Variants in PLCH1 observed in about 807,000 individuals in gnomAD.
PLCH1 encodes phospholipase C eta 1.
A neutral mutation model predicts 126.7 loss-of-function variants in PLCH1; 60 were observed. The observed-to-expected ratio is 0.47, with a 90% confidence interval of 0.38 to 0.59. PLCH1 has a LOEUF of 0.59. PLCH1 is among the 20% of genes least tolerant of loss of function. The pLI is 0.00. For missense variants in PLCH1, 1,723 were observed against 2,040.0 expected, an observed-to-expected ratio of 0.84 and a Z score of 2.99; for synonymous variants, 719 against 734.9, an observed-to-expected ratio of 0.98 and a Z score of 0.35.
intron 11 of PLCH1, among the ~76,000 whole-genome samples, chr3:155,521,063 A>C (rs1182946360): frequency 6.6e-6 from 1 of 151,994 alleles, no homozygotes; most frequent in East Asian, 1.9e-4. Flanking sequence ...AGCATGGCTA[A>C]CTCTTCACTT....
rs745329557 is a variant in PLCH1 at position 155,537,835 on chromosome 3, G to T, written c.1362+11952C>A. On this transcript the variant is annotated intron_variant, in intron 10 of 22. Transcript: ENST00000460012. Reference sequence around the variant, plus strand: ...ATACTCCACTAACAGCACTAGACAGGTCATCAAGACAGAAAGTCAACAAAG... The same window carrying T: ...ATACTCCACTAACAGCACTAGACAGTTCATCAAGACAGAAAGTCAACAAAG... Among the ~76,000 whole-genome samples the T allele has an allele frequency of 2.0e-5, 3 of 152,116 alleles. No individual in the cohort carries two copies. The East Asian group carries it at 5.8e-4, about 29-fold the overall frequency.
chr3:155,679,796 G>A (rs1434226427), intron 2 of PLCH1, among the ~76,000 whole-genome samples: 1 of 152,084 alleles, frequency 6.6e-6, no homozygotes, highest in African/African-American at 2.4e-5. Context: ...ATTCTGCAAG[G>A]AGATATATTA....
intron 8 of PLCH1, 73 bp downstream of exon 8, chr3:155,564,842 A>G (rs1179933378): frequency 1.2e-5 from 11 of 923,632 alleles, no homozygotes; most frequent in Non-Finnish European, 2.0e-5. Context: ...TCCATTCTTT[A>G]TACTAGACTC....
chr3:155,719,046 A>G (rs576556546), intron 1 of PLCH1, among the ~76,000 whole-genome samples: 3 of 152,234 alleles, frequency 2.0e-5, no homozygotes, highest in Admixed American at 6.5e-5. Flanking sequence ...TTGGAAAACA[A>G]GTGTTGTTTG....
chr3:155,619,397 C>T (rs938692357), intron 2 of PLCH1, among the ~76,000 whole-genome samples: 1 of 150,406 alleles, frequency 6.6e-6, no homozygotes, highest in African/African-American at 2.5e-5. Flanking sequence ...CATACTCCAA[C>T]AAATTCATAT....
chr3:155,532,014 A>C (rs1035801848), intron 10 of PLCH1, among the ~76,000 whole-genome samples: 10 of 152,216 alleles, frequency 6.6e-5, no homozygotes, highest in African/African-American at 2.4e-4. Flanking sequence ...TTTCTTCAAG[A>C]ATTTTTCTTT....
chr3:155,488,589 A>G, intron 20 of PLCH1, 71 bp downstream of exon 20: 2 of 1,240,732 alleles, frequency 1.6e-6, no homozygotes, highest in Non-Finnish European at 2.3e-6. Context: ...TGTAAGTAAC[A>G]TATCATATAT....
At chr3:155,473,081 C>A (rs1713351797) in intron 21 of PLCH1, among the ~76,000 whole-genome samples, 1 of 142,552 alleles carries the variant, frequency 7.0e-6, no homozygotes, top group Non-Finnish European at 1.5e-5. Flanking sequence ...CTGGCCAGGG[C>A]AATTAGGCAG....
chr3:155,577,775 C>T (rs1401693), intron 6 of PLCH1, among the ~76,000 whole-genome samples: 27,523 of 152,096 alleles, frequency 0.18, 3,056 homozygotes, highest in African/African-American at 0.31. Context: ...AAACACATGC[C>T]CCTTAGCAAG....
At chr3:155,572,624 T>C (rs1219838638) in intron 6 of PLCH1, among the ~76,000 whole-genome samples, 1 of 152,136 alleles carries the variant, frequency 6.6e-6, no homozygotes, top group African/African-American at 2.4e-5. Flanking sequence ...AGTTTCTCCC[T>C]TCTATTTTCT....
chr3:155,727,143 G>C, intron 1 of PLCH1, among the ~76,000 whole-genome samples: 1 of 151,252 alleles, frequency 6.6e-6, no homozygotes, highest in Non-Finnish European at 1.5e-5. Context: ...TTTTAAATGA[G>C]CTTGGAAAAA....
At chr3:155,695,745 C>G (rs1160228140) in intron 2 of PLCH1, among the ~76,000 whole-genome samples, 2 of 152,244 alleles carry the variant, frequency 1.3e-5, no homozygotes, top group African/African-American at 4.8e-5. Flanking sequence ...GACCGGAGAT[C>G]ATAAAACAGG....
At chr3:155,565,697 TA>T (rs1421848501) in intron 7 of PLCH1, among the ~76,000 whole-genome samples, 82 of 97,984 alleles carry the variant, frequency 8.4e-4, no homozygotes, top group African/African-American at 1.3e-3. Flanking sequence ...TTATTTTATT[TA>T]TTTATTTTTT....
chr3:155,686,913 C>T (rs970031105), intron 2 of PLCH1, among the ~76,000 whole-genome samples: 4 of 152,148 alleles, frequency 2.6e-5, no homozygotes, highest in Non-Finnish European at 5.9e-5. Context: ...CTAAAATACT[C>T]GCAGTAAATG....
intron 2 of PLCH1, among the ~76,000 whole-genome samples, chr3:155,646,403 C>T (rs1237040745): frequency 6.6e-6 from 1 of 152,086 alleles, no homozygotes; most frequent in Non-Finnish European, 1.5e-5. Context: ...AAATGACATC[C>T]GGAACAGCGA....
At chr3:155,608,762 C>T (rs1327083528) in intron 2 of PLCH1, among the ~76,000 whole-genome samples, 1 of 152,168 alleles carries the variant, frequency 6.6e-6, no homozygotes, top group East Asian at 1.9e-4. Context: ...TATTTCTGTG[C>T]CTGCCCAGGT....
chr3:155,593,668 G>A (rs182408375), intron 4 of PLCH1, among the ~76,000 whole-genome samples: 8 of 152,262 alleles, frequency 5.3e-5, no homozygotes, highest in South Asian at 2.1e-4. Context: ...GGAAACTTGA[G>A]GCTGTATTTG....
At chr3:155,459,851 T>C (rs2107972465) in intron 21 of PLCH1, among the ~76,000 whole-genome samples, 1 of 152,298 alleles carries the variant, frequency 6.6e-6, no homozygotes, top group East Asian at 1.9e-4. Flanking sequence ...TAAGAAATGA[T>C]GATTTTCCCA....
chr3:155,613,981 A>G (rs1424794458), intron 2 of PLCH1, among the ~76,000 whole-genome samples: 1 of 152,252 alleles, frequency 6.6e-6, no homozygotes, highest in Admixed American at 6.5e-5. Flanking sequence ...TACACAAATC[A>G]GTAGCACTGC....
Sources: allele counts gnomAD v4.1 joint callset (sites outside exome capture counted in the v4.1 genomes callset), GRCh38; gene constraint gnomAD v4.1.1; transcripts MANE v1.5; gene names NCBI Gene and HGNC (gene_info 2026-07-23, HGNC 2026-07-21).